The following UBAP2 variants were observed in gnomAD, a reference collection of about 807,000 sequenced individuals.
The protein encoded by UBAP2 is ubiquitin-associated protein 2.
A neutral mutation model predicts 139.6 loss-of-function variants in UBAP2; 75 were observed. That is an observed-to-expected ratio of 0.54 (90% confidence interval 0.45 to 0.65). The LOEUF is 0.65. Among genes scored for constraint, UBAP2 ranks in the 30% least tolerant of loss-of-function variants. The pLI, the probability that UBAP2 is intolerant of heterozygous loss-of-function variation, is 0.00. For synonymous variants in UBAP2, 526 were observed against 526.2 expected (o/e 1.00, Z 0.01); for missense variants, 1,368 against 1,369.6 (o/e 1.00, Z 0.02).
At chr9:34,017,731 G>A in intron 1 of UBAP2, among the ~76,000 whole-genome samples, 1 of 152,024 alleles carries the variant, frequency 6.6e-6, no homozygotes, top group East Asian at 1.9e-4. Context: ...TCGAGACCAT[G>A]CTGGCTAACA....
At chr9:33,944,962 T>C (rs1310235315) in intron 13 of UBAP2, among the ~76,000 whole-genome samples, 1 of 152,108 alleles carries the variant, frequency 6.6e-6, no homozygotes, top group East Asian at 1.9e-4. Flanking sequence ...ATGGATTTTC[T>C]ACATAACTGT....
At chr9:33,981,340 A>G (rs1283736816) in intron 6 of UBAP2, among the ~76,000 whole-genome samples, 1 of 144,784 alleles carries the variant, frequency 6.9e-6, no homozygotes. Flanking sequence ...TAAATAAAAG[A>G]CGGGGAAAGA....
chr9:33,940,326 G>A lies in UBAP2; in HGVS notation c.1929+1323C>T, dbSNP rs1280001876. On this transcript the variant is annotated intron_variant, in intron 16 of 28. Coordinates refer to ENST00000379238, the MANE Select transcript of UBAP2 (RefSeq NM_001370062.2). ...TACACCCTAGGAGGGGTTCTTGTGG[G>A]GCAAGGGCTTGGATTTACTCATAGG... is the stretch of plus-strand genomic sequence containing the variant. Among the ~76,000 whole-genome samples the A allele has an allele frequency of 7.2e-5, 11 of 152,238 alleles. No homozygotes were observed. The East Asian group carries it at 2.1e-3, about 29-fold the overall frequency.
In UBAP2 at chr9:34,008,522, T is replaced by C. The variant is rs980733024; in HGVS notation, c.99+8528A>G. ...ACTTTGGGAGGCTGAGGCAGACGGA[T>C]CACCTGAGGTCAGGAGTTCCAGACC... On this transcript the variant is annotated intron_variant, in intron 2 of 28. Coordinates refer to ENST00000379238, the MANE Select transcript of UBAP2 (RefSeq NM_001370062.2). 5.9e-5 allele frequency among the ~76,000 whole-genome samples: 9 copies of C among 152,124 alleles called. No homozygotes were observed. The South Asian group carries it at 1.5e-3, about 25-fold the overall frequency.
At chr9:34,046,643 C>CAAAAAA (rs59971755) in intron 1 of UBAP2, among the ~76,000 whole-genome samples, 10 of 122,342 alleles carry the variant, frequency 8.2e-5, no homozygotes, top group East Asian at 4.4e-4. Flanking sequence ...GACTCCATCT[C>CAAAAAA]AAAAAAAAAA....
chr9:34,037,776 C>T (rs572919322), intron 1 of UBAP2, among the ~76,000 whole-genome samples: 2 of 151,966 alleles, frequency 1.3e-5, no homozygotes, highest in African/African-American at 2.4e-5. Flanking sequence ...TGTAAATACA[C>T]AAACCCTGAC....
At chr9:34,016,840 G>A (rs1317418183) in intron 2 of UBAP2, among the ~76,000 whole-genome samples, 4 of 151,980 alleles carry the variant, frequency 2.6e-5, no homozygotes, top group Non-Finnish European at 5.9e-5. Context: ...TTACAGGCGT[G>A]AGCCACCGCA....
At chr9:33,963,994 C>T (rs1442723020) in intron 8 of UBAP2, among the ~76,000 whole-genome samples, 1 of 152,144 alleles carries the variant, frequency 6.6e-6, no homozygotes, top group African/African-American at 2.4e-5. Flanking sequence ...ACACTCAAAT[C>T]ACTTCAATTA....
intron 1 of UBAP2, among the ~76,000 whole-genome samples, chr9:34,026,612 G>A (rs770844490): frequency 1.3e-3 from 204 of 152,052 alleles, no homozygotes; most frequent in Non-Finnish European, 2.3e-3. Flanking sequence ...AAAACCAATG[G>A]TAATGACAAT....
At chr9:34,011,987 A>G (rs1205481920) in intron 2 of UBAP2, among the ~76,000 whole-genome samples, 1 of 52,342 alleles carries the variant, frequency 1.9e-5, no homozygotes, top group Non-Finnish European at 4.7e-5. Context: ...CCCACCACCA[A>G]AGATAAACAT....
At chr9:33,974,258 A>T (rs1050804994) in intron 6 of UBAP2, among the ~76,000 whole-genome samples, 2 of 152,164 alleles carry the variant, frequency 1.3e-5, no homozygotes, top group African/African-American at 4.8e-5. Flanking sequence ...CTGGAATCCC[A>T]GCACTTTGGA....
chr9:33,956,430 C>T (rs537011811), intron 10 of UBAP2, among the ~76,000 whole-genome samples: 8 of 151,456 alleles, frequency 5.3e-5, no homozygotes, highest in Non-Finnish European at 8.8e-5. Context: ...GCGATCATCT[C>T]GCCTCAGCCT....
At chr9:33,936,011 G>A in intron 16 of UBAP2, 133 bp from the exon 17 acceptor site, 1 of 1,024,696 alleles carries the variant, frequency 9.8e-7, no homozygotes. Flanking sequence ...TTTAATAAAG[G>A]GAAGATAAAC....
At chr9:33,968,669 A>G (rs1158890658) in intron 8 of UBAP2, among the ~76,000 whole-genome samples, 1 of 152,216 alleles carries the variant, frequency 6.6e-6, no homozygotes, top group East Asian at 1.9e-4. Context: ...GGATAATACT[A>G]ATTTCTATAT....
At chr9:34,005,106 T>C (rs371671353) in intron 2 of UBAP2, among the ~76,000 whole-genome samples, 4 of 151,536 alleles carry the variant, frequency 2.6e-5, no homozygotes, top group South Asian at 2.1e-4. Flanking sequence ...ACACTAAAAA[T>C]ACAAAAATTA....
chr9:33,968,574 CTGTT>C (rs1315752945), intron 8 of UBAP2: 4 of 348,178 alleles, frequency 1.1e-5, no homozygotes, highest in South Asian at 2.8e-5. Context: ...CTCAGAAACA[CTGTT>C]TGTTTTAATC....
chr9:33,993,951 A>G (rs915147821), intron 4 of UBAP2, among the ~76,000 whole-genome samples: 1 of 148,946 alleles, frequency 6.7e-6, no homozygotes, highest in Non-Finnish European at 1.5e-5. Flanking sequence ...CTGGAGTGCA[A>G]TGCCGCGATC....
chr9:33,982,519 C>T (rs548064351), intron 6 of UBAP2, among the ~76,000 whole-genome samples: 47 of 152,036 alleles, frequency 3.1e-4, no homozygotes, highest in African/African-American at 9.9e-4. Flanking sequence ...CCCATTTTGT[C>T]GCCCAGATAG....
chr9:34,000,116 T>C (rs1320862988), intron 2 of UBAP2, among the ~76,000 whole-genome samples: 1 of 151,848 alleles, frequency 6.6e-6, no homozygotes, highest in Non-Finnish European at 1.5e-5. Context: ...CCCAGCCGTA[T>C]TTATTTAATT....
Sources: gnomAD v4.1 joint callset for allele counts (sites outside exome capture counted in the v4.1 genomes callset) on GRCh38, gnomAD v4.1.1 for gene constraint, MANE v1.5 for transcripts, NCBI Gene and HGNC (gene_info 2026-07-23, HGNC 2026-07-21) for gene names.